The following CDKAL1 variants were observed in gnomAD, a reference collection of about 807,000 sequenced individuals.
CDKAL1 encodes threonylcarbamoyladenosine tRNA methylthiotransferase.
A neutral mutation model predicts 68.2 loss-of-function variants in CDKAL1; 32 were observed. That is an observed-to-expected ratio of 0.47 (90% confidence interval 0.35 to 0.63). The LOEUF (loss-of-function observed/expected upper bound fraction) is 0.63, where lower values mean the gene tolerates loss of function less well. CDKAL1 is among the 30% of genes least tolerant of loss of function. CDKAL1 has a pLI of 0.00. For missense variants in CDKAL1, 606 were observed against 696.7 expected (o/e 0.87, Z 1.47); for synonymous variants, 234 against 244.3 (o/e 0.96, Z 0.39).
chr6:20,990,660 C>T (rs550325222), intron 10 of CDKAL1, among the ~76,000 whole-genome samples: 10 of 152,166 alleles, frequency 6.6e-5, no homozygotes, highest in African/African-American at 9.6e-5. Context: ...CTTTCTGATG[C>T]GATTAATGAA....
intron 13 of CDKAL1, among the ~76,000 whole-genome samples, chr6:21,156,567 CT>C: frequency 6.6e-6 from 1 of 150,814 alleles, no homozygotes; most frequent in Non-Finnish European, 1.5e-5. Context: ...ACATTTATTC[CT>C]TTTGTAAAGA....
At chr6:20,768,200 G>T (rs941233091) in intron 7 of CDKAL1, among the ~76,000 whole-genome samples, 3 of 152,130 alleles carry the variant, frequency 2.0e-5, no homozygotes, top group Admixed American at 2.0e-4. Flanking sequence ...GAAGAGCTGT[G>T]TGCAAATGCT....
At chr6:21,037,637 A>G (rs955063072) in intron 11 of CDKAL1, among the ~76,000 whole-genome samples, 32 of 152,128 alleles carry the variant, frequency 2.1e-4, no homozygotes, top group African/African-American at 6.5e-4. Context: ...GGCTAGTGCA[A>G]TTGAGGAACT....
intron 5 of CDKAL1, among the ~76,000 whole-genome samples, chr6:20,687,425 A>G (rs1770676409): frequency 6.6e-6 from 1 of 152,138 alleles, no homozygotes. Flanking sequence ...GATTTGGTTC[A>G]TTTCATCTGG....
At chr6:20,969,931 C>A (rs916552832) in intron 10 of CDKAL1, among the ~76,000 whole-genome samples, 1 of 151,134 alleles carries the variant, frequency 6.6e-6, no homozygotes, top group African/African-American at 2.5e-5. Flanking sequence ...ATATCACATT[C>A]CCTGCCTTTT....
At chr6:20,824,302 A>G (rs1777408222) in intron 8 of CDKAL1, among the ~76,000 whole-genome samples, 3 of 152,276 alleles carry the variant, frequency 2.0e-5, no homozygotes, top group Admixed American at 2.0e-4. Flanking sequence ...CTATTGCTGT[A>G]TAACTGCGAA....
intron 11 of CDKAL1, among the ~76,000 whole-genome samples, chr6:21,061,861 C>G (rs987235306): frequency 7.9e-5 from 12 of 152,146 alleles, no homozygotes; most frequent in Non-Finnish European, 1.8e-4. Context: ...AGTTTGTATT[C>G]TTATATACTT....
chr6:20,676,539 C>T (rs917628162), intron 5 of CDKAL1, among the ~76,000 whole-genome samples: 29 of 151,884 alleles, frequency 1.9e-4, no homozygotes, highest in African/African-American at 7.0e-4. Flanking sequence ...TGGTGGCAGG[C>T]GCCTGTGGTC....
intron 13 of CDKAL1, among the ~76,000 whole-genome samples, chr6:21,132,494 C>T (rs1413071677): frequency 2.0e-5 from 3 of 150,656 alleles, no homozygotes; most frequent in Non-Finnish European, 4.4e-5. Flanking sequence ...TACATAAGGT[C>T]TTATTTATGT....
intron 5 of CDKAL1, among the ~76,000 whole-genome samples, chr6:20,737,153 T>C (rs556924910): frequency 6.6e-6 from 1 of 152,198 alleles, no homozygotes; most frequent in East Asian, 1.9e-4. Flanking sequence ...TTTCTGTGCC[T>C]CCATCTCCAT....
intron 9 of CDKAL1, among the ~76,000 whole-genome samples, chr6:20,920,637 A>C (rs1762911145): frequency 6.6e-6 from 1 of 152,238 alleles, no homozygotes; most frequent in African/African-American, 2.4e-5. Flanking sequence ...TTAGGATTAT[A>C]TACTGCCATC....
chr6:20,624,431 T>C (rs1767336782), intron 4 of CDKAL1, among the ~76,000 whole-genome samples: 1 of 152,042 alleles, frequency 6.6e-6, no homozygotes, highest in Non-Finnish European at 1.5e-5. Flanking sequence ...TTCTTGTATC[T>C]TTGCTTCTGA....
chr6:20,955,283 C>G, intron 9 of CDKAL1, 136 bp from the exon 10 acceptor site: 1 of 836,452 alleles, frequency 1.2e-6, no homozygotes, highest in Non-Finnish European at 1.9e-6. Context: ...GGATAAGCTG[C>G]TTTTTCTCTG....
At chr6:20,825,780 G>A (rs9465912) in intron 8 of CDKAL1, among the ~76,000 whole-genome samples, 28,833 of 152,024 alleles carry the variant, frequency 0.19, 3,031 homozygotes, top group Middle Eastern at 0.28. Flanking sequence ...ATATTAACCC[G>A]TTGATTATTT....
intron 9 of CDKAL1, among the ~76,000 whole-genome samples, chr6:20,901,596 G>A (rs1189809122): frequency 6.8e-6 from 1 of 146,674 alleles, no homozygotes; most frequent in African/African-American, 2.5e-5. Flanking sequence ...CAGGAGAATG[G>A]TGTGAACCTG....
chr6:20,548,684 G>T lies in CDKAL1; in HGVS notation c.265G>T (p.Ala89Ser). Reference sequence around the variant, plus strand: ...AGAATATATGGCTGGACAGCTAGCTGCTTATGGCTATAAAATTACAGGTAA... The same window carrying T: ...AGAATATATGGCTGGACAGCTAGCTTCTTATGGCTATAAAATTACAGGTAA... ...DGEYMAGQLA[A>S]YGYKITENAS... The change falls in exon 4 of 16, where the codon GCT becomes TCT. Residue 89 changes from alanine to serine, a missense_variant. By Grantham distance (99) the Ala-to-Ser change is moderately conservative. Coordinates refer to ENST00000274695, the MANE Select transcript of CDKAL1 (RefSeq NM_017774.3). The T allele has an allele frequency of 6.5e-7, 1 of 1,536,100 alleles. No homozygotes were observed. Among genetic ancestry groups the T allele is most frequent in the South Asian group, 1.1e-5 (1 of 87,928 alleles).
intron 9 of CDKAL1, among the ~76,000 whole-genome samples, chr6:20,890,176 T>C (rs1761316316): frequency 6.6e-6 from 1 of 152,262 alleles, no homozygotes; most frequent in African/African-American, 2.4e-5. Context: ...TGTATGTTTA[T>C]GGGACTGTTA....
intron 12 of CDKAL1, among the ~76,000 whole-genome samples, chr6:21,099,793 G>A (rs1041647526): frequency 1.3e-5 from 2 of 152,208 alleles, no homozygotes; most frequent in African/African-American, 2.4e-5. Flanking sequence ...ATTTTGCAGG[G>A]ATTTGACCTA....
chr6:20,647,915 A>T (rs1340626807), intron 4 of CDKAL1, among the ~76,000 whole-genome samples: 2 of 142,632 alleles, frequency 1.4e-5, no homozygotes, highest in Non-Finnish European at 3.1e-5. Flanking sequence ...TTGTTTCAAC[A>T]TTTTTTTTTT....
Sources: gnomAD v4.1 joint callset for allele counts (sites outside exome capture counted in the v4.1 genomes callset) on GRCh38, gnomAD v4.1.1 for gene constraint, MANE v1.5 for transcripts, NCBI Gene and HGNC (gene_info 2026-07-23, HGNC 2026-07-21) for gene names.